Variants in PPP2R5A observed in about 807,000 individuals in gnomAD.
The protein encoded by PPP2R5A is serine/threonine-protein phosphatase 2A 56 kDa regulatory subunit alpha isoform.
A neutral mutation model predicts 64.2 loss-of-function variants in PPP2R5A; 25 were observed. The ratio of observed to expected loss-of-function variants is 0.39; its 90% CI spans 0.28 to 0.54. The LOEUF (loss-of-function observed/expected upper bound fraction) is 0.54. Ranked by LOEUF, PPP2R5A falls within the 20% of genes least tolerant of loss-of-function variation. The pLI, the probability that PPP2R5A is intolerant of heterozygous loss-of-function variation, is 0.67. For synonymous variants in PPP2R5A, 198 were observed against 201.2 expected (o/e 0.98, Z 0.13); for missense variants, 425 against 576.3 (o/e 0.74, Z 2.69).
At chr1:212,309,514 G>T in intron 1 of PPP2R5A, 2 of 755,996 alleles carry the variant, frequency 2.6e-6, no homozygotes, top group South Asian at 1.4e-5. Flanking sequence ...CGCTTTCGGC[G>T]CCATCTTGTG....
In PPP2R5A at chr1:212,315,445, C is replaced by G. The variant is rs980302240; in HGVS notation, c.182-13690C>G. 4.6e-5 allele frequency among the ~76,000 whole-genome samples: 7 copies of G among 152,138 alleles called. No individual in the cohort carries two copies. In the East Asian group the frequency reaches 1.3e-3, roughly 29 times the overall value. ...ATATATATTACACAGAGTTATAACA[C>G]CCAAACTTGTCTTAAAGACCTCTTA... On this transcript the variant is annotated intron_variant, in intron 1 of 12. Coordinates refer to ENST00000261461, the MANE Select transcript of PPP2R5A (RefSeq NM_006243.4).
chr1:212,346,358 A>G (rs1179373943), intron 5 of PPP2R5A, among the ~76,000 whole-genome samples: 1 of 151,880 alleles, frequency 6.6e-6, no homozygotes, highest in Non-Finnish European at 1.5e-5. Context: ...TATGGGGCCT[A>G]TCATTTGCTT....
chr1:212,349,077 T>C (rs934681759), intron 7 of PPP2R5A, 112 bp from the exon 8 acceptor site: 1 of 554,828 alleles, frequency 1.8e-6, no homozygotes, highest in Admixed American at 4.0e-5. Context: ...TTTTTATATA[T>C]TGGAATAATT....
intron 2 of PPP2R5A, among the ~76,000 whole-genome samples, chr1:212,330,821 G>GT (rs1235702090): frequency 1.3e-5 from 2 of 150,486 alleles, no homozygotes; most frequent in Non-Finnish European, 3.0e-5. Flanking sequence ...TGTTGGGTTT[G>GT]TTTTTTTTCC....
chr1:212,329,318 AT>A lies in PPP2R5A; in HGVS notation c.366del (p.Asp122GlufsTer2). 6.3e-7 allele frequency: 1 copy of A among 1,593,968 alleles called. No individual in the cohort carries two copies. The highest frequency in any genetic ancestry group is 8.5e-7 in the Non-Finnish European group (1 of 1,171,710). On this transcript the variant is annotated frameshift_variant, in exon 2 of 13. Transcript: ENST00000261461. LOFTEE classifies it high-confidence loss of function. ...RGVIVESAYS[D>X]IVKMISANIF... Reference sequence around the variant, plus strand: ...GTAATTGTTGAATCAGCGTATTCTGATATAGTAAAAATGGTAAGCCTCTAGA... The same window carrying A: ...GTAATTGTTGAATCAGCGTATTCTGAATAGTAAAAATGGTAAGCCTCTAGA...
At chr1:212,316,936 TGA>T (rs1432128534) in intron 1 of PPP2R5A, among the ~76,000 whole-genome samples, 1 of 152,174 alleles carries the variant, frequency 6.6e-6, no homozygotes, top group Non-Finnish European at 1.5e-5. Context: ...CGTGAATGCT[TGA>T]CTGTCTTTTG....
intron 1 of PPP2R5A, chr1:212,319,640 G>A (rs1283037832): frequency 1.0e-5 from 1 of 98,208 alleles, no homozygotes; most frequent in East Asian, 3.3e-4. Flanking sequence ...TTTTTTTTGA[G>A]ACGGAGTTTT....
chr1:212,316,396 C>A (rs894537775), intron 1 of PPP2R5A, among the ~76,000 whole-genome samples: 1 of 152,308 alleles, frequency 6.6e-6, no homozygotes, highest in South Asian at 2.1e-4. Flanking sequence ...ACAGCCATAA[C>A]ATTTCCTTAA....
At chr1:212,346,205 G>A (rs1317491148) in intron 5 of PPP2R5A, among the ~76,000 whole-genome samples, 1 of 151,806 alleles carries the variant, frequency 6.6e-6, no homozygotes, top group Non-Finnish European at 1.5e-5. Flanking sequence ...TCTATGTACT[G>A]TATGTACGTA....
At chr1:212,319,427 A>G (rs916733151) in intron 1 of PPP2R5A, 9 of 152,234 alleles carry the variant, frequency 5.9e-5, no homozygotes, top group Non-Finnish European at 1.5e-5. Flanking sequence ...AATGGACGTT[A>G]TCATCCGTAG....
chr1:212,309,795 T>A (rs1658994219), intron 1 of PPP2R5A, among the ~76,000 whole-genome samples: 2 of 151,936 alleles, frequency 1.3e-5, no homozygotes. Flanking sequence ...TAAAATACAC[T>A]AACACTAACG....
chr1:212,360,628 T>TTATC lies in PPP2R5A; in HGVS notation c.1329-7_1329-4dup. The stretch of plus-strand genomic sequence containing the variant: ...AATTTCTGATTACAAAAATTTTGGT[T>TTATC]TATCTACAGAGAGAAAAAGAAGGAA... On this transcript the variant is annotated splice_polypyrimidine_tract_variant and intron_variant, in intron 12 of 12. Transcript: ENST00000261461. 1 of 1,550,064 alleles carries TTATC rather than the reference T, an allele frequency of 6.5e-7. No individual in the cohort carries two copies. Among genetic ancestry groups the TTATC allele is most frequent in the Non-Finnish European group, 8.7e-7 (1 of 1,151,548 alleles).
chr1:212,290,845 T>C (rs559022144), intron 1 of PPP2R5A, among the ~76,000 whole-genome samples: 2 of 152,352 alleles, frequency 1.3e-5, no homozygotes, highest in South Asian at 2.1e-4. Flanking sequence ...CTCATTCCTT[T>C]CAACTTCAGT....
At position 212,342,196 on chromosome 1, in the gene PPP2R5A, T is replaced by C; in HGVS notation, c.489T>C (p.Tyr163=). 6.2e-7 allele frequency: 1 copy of C among 1,613,630 alleles called. No homozygotes were observed. Among genetic ancestry groups the C allele is most frequent in the Non-Finnish European group, 8.5e-7 (1 of 1,179,738 alleles). ...TTGACTTTCTCTCATAGTTGGTATA[T>C]GAATTCTTCTTGAGATTTTTGGAGA... ...EASWPHIQLV[Y]EFFLRFLESP... is the part of the protein sequence containing the mutation. Residue 163 remains tyrosine (Y), a synonymous_variant, in exon 4 of 13, where the codon TAT becomes TAC. Coordinates refer to ENST00000261461, the MANE Select transcript of PPP2R5A (RefSeq NM_006243.4).
chr1:212,323,424 C>T (rs1306826250), intron 1 of PPP2R5A, among the ~76,000 whole-genome samples: 2 of 152,150 alleles, frequency 1.3e-5, no homozygotes, highest in African/African-American at 4.8e-5. Flanking sequence ...GCAGACTGCT[C>T]AATAGACATT....
intron 1 of PPP2R5A, chr1:212,309,330 C>G: frequency 2.0e-6 from 3 of 1,530,538 alleles, no homozygotes; most frequent in Non-Finnish European, 2.7e-6. Context: ...TGGGGGCGCT[C>G]TTCCGAGGAT....
intron 2 of PPP2R5A, among the ~76,000 whole-genome samples, chr1:212,331,900 C>T (rs1659511892): frequency 6.6e-6 from 1 of 152,108 alleles, no homozygotes; most frequent in African/African-American, 2.4e-5. Flanking sequence ...TTTATGAGTA[C>T]TTAATTTAAT....
intron 1 of PPP2R5A, among the ~76,000 whole-genome samples, chr1:212,325,523 T>G (rs1314490360): frequency 6.6e-6 from 1 of 152,036 alleles, no homozygotes; most frequent in Non-Finnish European, 1.5e-5. Context: ...TGAAGTGGGA[T>G]CTTGTGTGAG....
chr1:212,310,967 G>A (rs1339131984), intron 1 of PPP2R5A, among the ~76,000 whole-genome samples: 6 of 152,174 alleles, frequency 3.9e-5, no homozygotes, highest in African/African-American at 1.4e-4. Flanking sequence ...AGCCAAGGGG[G>A]AAGGAGCTCT....
Sources: allele counts gnomAD v4.1 joint callset (sites outside exome capture counted in the v4.1 genomes callset), GRCh38; gene constraint gnomAD v4.1.1; transcripts MANE v1.5; gene names NCBI Gene and HGNC (gene_info 2026-07-23, HGNC 2026-07-21).